TENM4: variants seen among roughly 807,000 people sequenced by gnomAD.
The protein encoded by TENM4 is teneurin-4.
TENM4 carries 82 observed loss-of-function variants against 243.3 expected under a neutral mutation model. The ratio of observed to expected loss-of-function variants is 0.34; its 90% CI spans 0.28 to 0.40. The LOEUF is 0.40. Among genes scored for constraint, TENM4 ranks in the 10% least tolerant of loss-of-function variants. The pLI is 1.00. For synonymous variants in TENM4, 1,412 were observed against 1,456.3 expected, an observed-to-expected ratio of 0.97 and a Z score of 0.69; for missense variants, 3,138 against 3,673.3, an observed-to-expected ratio of 0.85 and a Z score of 3.77.
intron 27 of TENM4, 81 bp downstream of exon 27, chr11:78,708,280 G>T: frequency 6.3e-7 from 1 of 1,576,814 alleles, no homozygotes; most frequent in South Asian, 1.2e-5. Context: ...GTGCAAAGAT[G>T]AATGGCCAGC....
rs1311367984 is a variant in TENM4, at chr11:79,426,505, A to G, written c.-321+14004T>C. Among the ~76,000 whole-genome samples the G allele has an allele frequency of 2.6e-5, 4 of 152,198 alleles. No individual in the cohort carries two copies. In the East Asian group the frequency reaches 7.7e-4, roughly 29 times the overall value. ...ATAATATAGGCCAAATGCCTCACAC[A>G]ATTCAACAAAGAGGATCCTGTGATC... is the stretch of plus-strand genomic sequence containing the variant. On this transcript the variant is annotated intron_variant, in intron 1 of 33. Transcript: ENST00000278550.
chr11:79,361,626 C>T (rs972318801), intron 1 of TENM4, among the ~76,000 whole-genome samples: 2 of 152,164 alleles, frequency 1.3e-5, no homozygotes, highest in African/African-American at 4.8e-5. Flanking sequence ...TTTGAGAGTG[C>T]TGTCTATTTC....
At chr11:79,232,061 C>T (rs1864382954) in intron 2 of TENM4, among the ~76,000 whole-genome samples, 1 of 152,090 alleles carries the variant, frequency 6.6e-6, no homozygotes, top group Admixed American at 6.5e-5. Flanking sequence ...GTCTGAGGGA[C>T]AGGGTGAGAC....
rs1002318144 is a variant in TENM4, at chr11:78,905,480, C to T, written c.494-1957G>A. On this transcript the variant is annotated intron_variant, in intron 6 of 33. Transcript: ENST00000278550. ...CTTCCTTATTACAAGCTGCTACTTT[C>T]GGCATAAAGCCCACACCTGGCTTAT... Among the ~76,000 whole-genome samples, 4 of 152,278 alleles carry T rather than the reference C, an allele frequency of 2.6e-5. No individual in the cohort carries two copies. In the East Asian group the frequency reaches 7.7e-4, roughly 29 times the overall value.
chr11:79,024,748 T>G (rs1395047605), intron 6 of TENM4, among the ~76,000 whole-genome samples: 1 of 152,220 alleles, frequency 6.6e-6, no homozygotes, highest in Non-Finnish European at 1.5e-5. Flanking sequence ...CTCGTGTGTA[T>G]GGTGCCTTTA....
At chr11:78,800,339 G>T (rs1857254751) in intron 15 of TENM4, among the ~76,000 whole-genome samples, 1 of 152,148 alleles carries the variant, frequency 6.6e-6, no homozygotes, top group African/African-American at 2.4e-5. Context: ...GAGGTGAAAT[G>T]ATGCCAGCTC....
At chr11:78,756,450 T>C in intron 19 of TENM4, 1 of 257,430 alleles carries the variant, frequency 3.9e-6, no homozygotes, top group Non-Finnish European at 7.5e-6. Context: ...GCTTTGAGGG[T>C]GAGCAGCATC....
At chr11:78,998,068 A>G (rs922403027) in intron 6 of TENM4, among the ~76,000 whole-genome samples, 1 of 152,232 alleles carries the variant, frequency 6.6e-6, no homozygotes, top group African/African-American at 2.4e-5. Context: ...TGGACTTCCC[A>G]GCTTCAAGAA....
chr11:79,373,294 ATGGCTGGCTGGC>A (rs200276676), intron 1 of TENM4, among the ~76,000 whole-genome samples: 6,861 of 149,672 alleles, frequency 0.046, 308 homozygotes, highest in East Asian at 0.19. Context: ...GGGTGGATAG[ATGGCTGGCTGGC>A]TGGCTGGCTG....
intron 1 of TENM4, among the ~76,000 whole-genome samples, chr11:79,427,483 G>C (rs1025787025): frequency 1.3e-5 from 2 of 152,196 alleles, no homozygotes; most frequent in Middle Eastern, 3.2e-3. Context: ...ATAGATTAAG[G>C]TTGCAAAACA....
At chr11:79,141,458 G>A (rs1591311965) in intron 4 of TENM4, among the ~76,000 whole-genome samples, 1 of 151,956 alleles carries the variant, frequency 6.6e-6, no homozygotes, top group Non-Finnish European at 1.5e-5. Flanking sequence ...TCCAAAACCT[G>A]AACAGACTAA....
chr11:78,692,221 A>G (rs1858845003), intron 28 of TENM4, among the ~76,000 whole-genome samples: 1 of 152,174 alleles, frequency 6.6e-6, no homozygotes, highest in Admixed American at 6.5e-5. Flanking sequence ...CTTTCTAACC[A>G]AGAGGAATGA....
chr11:79,241,681 A>G (rs1855419903), intron 2 of TENM4, among the ~76,000 whole-genome samples: 1 of 152,196 alleles, frequency 6.6e-6, no homozygotes, highest in South Asian at 2.1e-4. Context: ...ATTTGTGCAG[A>G]GGGACAGAAT....
At chr11:78,915,978 C>A (rs1856307077) in intron 6 of TENM4, among the ~76,000 whole-genome samples, 1 of 152,220 alleles carries the variant, frequency 6.6e-6, no homozygotes, top group Admixed American at 6.5e-5. Context: ...GGTGGGTAAG[C>A]ACTGTGGCTC....
chr11:79,174,342 T>C (rs1412431337), intron 3 of TENM4, among the ~76,000 whole-genome samples: 1 of 152,126 alleles, frequency 6.6e-6, no homozygotes, highest in Non-Finnish European at 1.5e-5. Flanking sequence ...CAGATACCCC[T>C]ACAGCAAGTG....
At chr11:79,072,634 T>G (rs1860444392) in intron 4 of TENM4, among the ~76,000 whole-genome samples, 1 of 152,226 alleles carries the variant, frequency 6.6e-6, no homozygotes, top group African/African-American at 2.4e-5. Context: ...ATGTTCTATC[T>G]CATTCTCTTT....
In TENM4 at chr11:78,764,691, C is replaced by T. The variant is rs371378214; in HGVS notation, c.2539+6301G>A. 5.3e-5 allele frequency among the ~76,000 whole-genome samples: 8 copies of T among 152,154 alleles called. No homozygotes were observed. The South Asian group carries it at 1.7e-3, about 32-fold the overall frequency. ...TGCCTGTTAACGTTCACTTAGTACC[C>T]ATTATGTGGCTGGCAGGACCTGTGT... On this transcript the variant is annotated intron_variant, in intron 18 of 33. Coordinates refer to ENST00000278550, the MANE Select transcript of TENM4 (RefSeq NM_001098816.3).
chr11:79,431,941 C>G (rs753736416), intron 1 of TENM4, among the ~76,000 whole-genome samples: 1 of 152,094 alleles, frequency 6.6e-6, no homozygotes, highest in African/African-American at 2.4e-5. Context: ...CAACCTTAAT[C>G]GAATGTCTTA....
intron 2 of TENM4, among the ~76,000 whole-genome samples, chr11:79,216,182 G>C (rs1315940830): frequency 6.6e-6 from 1 of 152,156 alleles, no homozygotes; most frequent in African/African-American, 2.4e-5. Context: ...TAATGGTCTT[G>C]CCTTAAAATA....
Sources: allele counts gnomAD v4.1 joint callset (sites outside exome capture counted in the v4.1 genomes callset), GRCh38; gene constraint gnomAD v4.1.1; transcripts MANE v1.5; gene names NCBI Gene and HGNC (gene_info 2026-07-23, HGNC 2026-07-21).